Variants in MSRB3 observed in about 807,000 individuals in gnomAD.
MSRB3 encodes the protein methionine-R-sulfoxide reductase B3.
In MSRB3, 13 loss-of-function variants were observed where a neutral mutation model predicts 21.0. The ratio of observed to expected loss-of-function variants is 0.62; its 90% CI spans 0.40 to 0.98. The LOEUF (loss-of-function observed/expected upper bound fraction) is 0.98. MSRB3 is among the 50% of genes least tolerant of loss of function. The pLI is 0.00. For synonymous variants in MSRB3, 87 were observed against 88.6 expected, an observed-to-expected ratio of 0.98 and a Z score of 0.10; for missense variants, 199 against 230.3, an observed-to-expected ratio of 0.86 and a Z score of 0.88.
intron 4 of MSRB3, among the ~76,000 whole-genome samples, chr12:65,367,535 T>C (rs1878079318): frequency 6.6e-6 from 1 of 152,182 alleles, no homozygotes; most frequent in African/African-American, 2.4e-5. Flanking sequence ...AGTCACAATT[T>C]AGGTGTTGTG....
intron 5 of MSRB3, among the ~76,000 whole-genome samples, chr12:65,408,772 C>T (rs1880559023): frequency 6.6e-6 from 1 of 152,144 alleles, no homozygotes; most frequent in Non-Finnish European, 1.5e-5. Flanking sequence ...ACAGAGAAGG[C>T]TGGAGTGGGC....
chr12:65,418,168 G>A (rs746108080), intron 5 of MSRB3, among the ~76,000 whole-genome samples: 3 of 152,158 alleles, frequency 2.0e-5, no homozygotes, highest in Admixed American at 6.5e-5. Flanking sequence ...GCAATGGCAT[G>A]ATCCTGGCTC....
chr12:65,357,618 A>G (rs1357810141), intron 4 of MSRB3, among the ~76,000 whole-genome samples: 4 of 151,900 alleles, frequency 2.6e-5, no homozygotes, highest in African/African-American at 9.7e-5. Context: ...GATACCACAC[A>G]TTTAGTCCTT....
chr12:65,285,116 C>T (rs1872264299), intron 1 of MSRB3: 1 of 152,136 alleles, frequency 6.6e-6, no homozygotes, highest in Non-Finnish European at 1.5e-5. Context: ...TTTATGGTTA[C>T]TTTTTGTGGC....
At chr12:65,344,683 CA>C (rs1337603247) in intron 4 of MSRB3, among the ~76,000 whole-genome samples, 1 of 151,538 alleles carries the variant, frequency 6.6e-6, no homozygotes, top group Non-Finnish European at 1.5e-5. Flanking sequence ...TGTGAAGAGA[CA>C]TTTTTTTACT....
At chr12:65,378,828 T>TAA (rs749381326) in intron 5 of MSRB3, among the ~76,000 whole-genome samples, 84 of 152,238 alleles carry the variant, frequency 5.5e-4, no homozygotes, top group Non-Finnish European at 8.7e-4. Context: ...TGAGAATACT[T>TAA]ACATCTGCAT....
chr12:65,428,641 C>T (rs1168596292), intron 5 of MSRB3, among the ~76,000 whole-genome samples: 1 of 152,046 alleles, frequency 6.6e-6, no homozygotes, highest in Non-Finnish European at 1.5e-5. Context: ...ATCATGTAAC[C>T]CCTCTGCCCA....
chr12:65,428,043 C>T (rs950710099), intron 5 of MSRB3, among the ~76,000 whole-genome samples: 1 of 152,152 alleles, frequency 6.6e-6, no homozygotes, highest in African/African-American at 2.4e-5. Context: ...TGGCTTCTTT[C>T]CCAAAGCAGC....
At chr12:65,412,769 A>G (rs1453054980) in intron 5 of MSRB3, among the ~76,000 whole-genome samples, 4 of 152,144 alleles carry the variant, frequency 2.6e-5, no homozygotes, top group Admixed American at 6.5e-5. Flanking sequence ...GGTAATTTAT[A>G]AAGGAAAGAG....
intron 5 of MSRB3, chr12:65,420,047 A>ACC: frequency 2.1e-6 from 1 of 469,594 alleles, no homozygotes; most frequent in Non-Finnish European, 4.2e-6. Flanking sequence ...GAGAGCGGGA[A>ACC]GAGAGGACTC....
intron 5 of MSRB3, among the ~76,000 whole-genome samples, chr12:65,428,083 G>C (rs1212641460): frequency 6.6e-6 from 1 of 152,152 alleles, no homozygotes; most frequent in East Asian, 1.9e-4. Context: ...GGGTTGGTGA[G>C]GTGTGTGTAG....
intron 4 of MSRB3, among the ~76,000 whole-genome samples, chr12:65,361,986 G>T (rs1484334640): frequency 1.3e-5 from 2 of 152,014 alleles, no homozygotes; most frequent in Non-Finnish European, 2.9e-5. Flanking sequence ...TAACATAGAG[G>T]CCTAAGTTTT....
chr12:65,328,303 AT>A (rs968272734), intron 3 of MSRB3, among the ~76,000 whole-genome samples: 1 of 151,692 alleles, frequency 6.6e-6, no homozygotes, highest in African/African-American at 2.4e-5. Context: ...AGATGGCTTG[AT>A]TTTTTTATGT....
chr12:65,450,412 G>A (rs1037029907), intron 5 of MSRB3, among the ~76,000 whole-genome samples: 4 of 152,086 alleles, frequency 2.6e-5, no homozygotes, highest in African/African-American at 9.7e-5. Context: ...TGAAAATAAG[G>A]CATCCTTGAT....
intron 1 of MSRB3, among the ~76,000 whole-genome samples, chr12:65,292,518 G>C (rs1325609088): frequency 6.6e-6 from 1 of 152,028 alleles, no homozygotes; most frequent in Non-Finnish European, 1.5e-5. Context: ...GCTCCTTCTT[G>C]ATCTTCTTTG....
At chr12:65,376,213 G>T (rs1878611091) in intron 5 of MSRB3, among the ~76,000 whole-genome samples, 1 of 149,312 alleles carries the variant, frequency 6.7e-6, no homozygotes, top group Non-Finnish European at 1.5e-5. Context: ...TCCGCCTCCT[G>T]GGTTCACGCC....
At chr12:65,409,204 A>G (rs143928798) in intron 5 of MSRB3, among the ~76,000 whole-genome samples, 22 of 152,000 alleles carry the variant, frequency 1.4e-4, no homozygotes, top group African/African-American at 5.3e-4. Flanking sequence ...ACACACACAC[A>G]TACACATACA....
At chr12:65,386,707 T>A (rs923362316) in intron 5 of MSRB3, among the ~76,000 whole-genome samples, 4 of 151,956 alleles carry the variant, frequency 2.6e-5, no homozygotes, top group African/African-American at 9.7e-5. Context: ...TTAAGAGTAG[T>A]ATTTTTAAAT....
chr12:65,280,078 G>A (rs183119813), intron 1 of MSRB3, among the ~76,000 whole-genome samples: 54 of 152,096 alleles, frequency 3.6e-4, no homozygotes, highest in African/African-American at 1.3e-3. Flanking sequence ...CATTTGCAGC[G>A]CTGGTGGCAA....
Sources: allele counts gnomAD v4.1 joint callset (sites outside exome capture counted in the v4.1 genomes callset), GRCh38; gene constraint gnomAD v4.1.1; transcripts MANE v1.5; gene names NCBI Gene and HGNC (gene_info 2026-07-23, HGNC 2026-07-21).